The following OSBPL1A variants were observed in gnomAD, a reference collection of about 807,000 sequenced individuals.
OSBPL1A encodes the protein oxysterol binding protein like 1A.
A neutral mutation model predicts 137.1 loss-of-function variants in OSBPL1A; 80 were observed. The observed-to-expected ratio is 0.58, with a 90% CI of 0.49 to 0.70. The LOEUF is 0.70. Among genes scored for constraint, OSBPL1A ranks in the 30% least tolerant of loss-of-function variants. The pLI, the probability that OSBPL1A is intolerant of heterozygous loss-of-function variation, is 0.00. For synonymous variants in OSBPL1A, 365 were observed against 389.7 expected (o/e 0.94, Z 0.75); for missense variants, 970 against 1,129.4 (o/e 0.86, Z 2.02).
Position 24,375,314 on chromosome 18 carries a change from CAAAAAAAAAAAA to C in OSBPL1A, c.121+2087_121+2098del, listed in dbSNP as rs61252568. On this transcript the variant is annotated intron_variant, in intron 2 of 27. Transcript: ENST00000319481. ...TGGGCAACAGAACAAAACCCTGTCT[CAAAAAAAAAAAA>C]AAAAAAAAAAAAAAAAGACAGAAGT... Among the ~76,000 whole-genome samples, 102 of 41,730 alleles carry C rather than the reference CAAAAAAAAAAAA, an allele frequency of 2.4e-3. 4 individuals carry two copies. The South Asian group carries it at 0.12, about 49-fold the overall frequency. The allele number at this position is 41,730 out of a possible 152,430, so 27.4% of individuals were successfully genotyped here. A position where few individuals can be genotyped will look rare whatever the true frequency, so the allele number is the denominator to read the frequency against.
At chr18:24,356,841 A>G (rs976698303) in intron 4 of OSBPL1A, among the ~76,000 whole-genome samples, 2 of 152,186 alleles carry the variant, frequency 1.3e-5, no homozygotes, top group African/African-American at 4.8e-5. Flanking sequence ...TATAAAACCC[A>G]GATGGAATGT....
chr18:24,302,264 AACTC>A (rs1039242696), intron 14 of OSBPL1A: 2 of 151,652 alleles, frequency 1.3e-5, no homozygotes, highest in Non-Finnish European at 2.9e-5. Flanking sequence ...GTTAATCATA[AACTC>A]ACAAATAACT....
At chr18:24,314,415 C>G in intron 11 of OSBPL1A, 68 bp from the exon 12 acceptor site, 1 of 1,078,374 alleles carries the variant, frequency 9.3e-7, no homozygotes, top group Non-Finnish European at 1.3e-6. Context: ...ATTATCTATA[C>G]ATAAAATTTA....
intron 16 of OSBPL1A, among the ~76,000 whole-genome samples, chr18:24,234,723 G>C (rs1002117510): frequency 2.0e-5 from 3 of 152,130 alleles, no homozygotes; most frequent in Admixed American, 2.0e-4. Flanking sequence ...AAAGTAACAC[G>C]AGTTAACAAC....
intron 13 of OSBPL1A, among the ~76,000 whole-genome samples, chr18:24,308,409 G>A (rs562620027): frequency 2.0e-4 from 30 of 151,390 alleles, no homozygotes; most frequent in Admixed American, 2.0e-3. Flanking sequence ...TTTTTAAGAT[G>A]GGGATTCGCC....
At chr18:24,385,239 C>A (rs1288273466) in intron 1 of OSBPL1A, among the ~76,000 whole-genome samples, 1 of 152,078 alleles carries the variant, frequency 6.6e-6, no homozygotes, top group Non-Finnish European at 1.5e-5. Context: ...CAGGCATGAG[C>A]CACCGCACCC....
chr18:24,272,664 C>T (rs2089751174), intron 15 of OSBPL1A, among the ~76,000 whole-genome samples: 2 of 152,180 alleles, frequency 1.3e-5, no homozygotes, highest in Admixed American at 1.3e-4. Flanking sequence ...TTTCACCTTA[C>T]TAAAGTGTTT....
At chr18:24,303,082 C>A (rs1303320587) in intron 14 of OSBPL1A, among the ~76,000 whole-genome samples, 1 of 152,022 alleles carries the variant, frequency 6.6e-6, no homozygotes, top group African/African-American at 2.4e-5. Flanking sequence ...CTCACTGCAA[C>A]CTCTGTCTCC....
At chr18:24,348,896 G>A (rs1043601903) in intron 4 of OSBPL1A, among the ~76,000 whole-genome samples, 8 of 152,154 alleles carry the variant, frequency 5.3e-5, no homozygotes, top group Non-Finnish European at 7.4e-5. Context: ...GGTCAGGTGC[G>A]GTGGCTCACT....
intron 15 of OSBPL1A, among the ~76,000 whole-genome samples, chr18:24,251,610 A>G (rs1002348561): frequency 1.3e-5 from 2 of 152,218 alleles, no homozygotes; most frequent in Non-Finnish European, 2.9e-5. Context: ...ACAGGCACAA[A>G]CAAGCCTAGA....
intron 7 of OSBPL1A, among the ~76,000 whole-genome samples, chr18:24,325,921 T>C (rs939683523): frequency 6.6e-6 from 1 of 152,244 alleles, no homozygotes; most frequent in African/African-American, 2.4e-5. Flanking sequence ...TTTTTTAATT[T>C]TAATTTTATT....
In OSBPL1A at chr18:24,271,912, G is replaced by A. The variant is rs2089730855; in HGVS notation, c.1281+8930C>T. 1 of 984,092 alleles carries A rather than the reference G, an allele frequency of 1.0e-6. No homozygotes were observed. The highest frequency in any genetic ancestry group is 1.2e-6 in the Non-Finnish European group (1 of 829,610). The allele number at this position is 984,092 out of a possible 1,614,324, so 61.0% of individuals were successfully genotyped here. On this transcript the variant is annotated intron_variant, in intron 15 of 27. Coordinates refer to ENST00000319481, the MANE Select transcript of OSBPL1A (RefSeq NM_080597.4). This position sits in a 1 kb window ranked among gnomAD's most constrained non-coding sequence, Gnocchi z 4.0. ...CGCCGCGCCCGCCCGGGCCGCAGAG[G>A]TCTGCGCTGCCCCTCCGCCGCCGCT...
chr18:24,300,748 T>C (rs2090384262), intron 14 of OSBPL1A, among the ~76,000 whole-genome samples: 1 of 152,246 alleles, frequency 6.6e-6, no homozygotes, highest in African/African-American at 2.4e-5. Flanking sequence ...ACAAACATTT[T>C]TGTTTTTTAT....
chr18:24,340,663 G>GGGT (rs1373823134), intron 5 of OSBPL1A, among the ~76,000 whole-genome samples: 1 of 152,086 alleles, frequency 6.6e-6, no homozygotes, highest in Non-Finnish European at 1.5e-5. Flanking sequence ...AAAGTTAGCC[G>GGGT]GGTGTGATGG....
At chr18:24,201,897 G>C (rs1242723077) in intron 17 of OSBPL1A, among the ~76,000 whole-genome samples, 4 of 152,140 alleles carry the variant, frequency 2.6e-5, no homozygotes, top group Non-Finnish European at 5.9e-5. Flanking sequence ...TGCTAGGCTA[G>C]ACACTCAACA....
intron 4 of OSBPL1A, among the ~76,000 whole-genome samples, chr18:24,344,838 C>T (rs979752205): frequency 3.3e-5 from 5 of 151,946 alleles, no homozygotes; most frequent in South Asian, 2.1e-4. Flanking sequence ...TGGGGGGAGA[C>T]GGTCTAGCTC....
chr18:24,250,609 C>T (rs1205055126), intron 15 of OSBPL1A, among the ~76,000 whole-genome samples: 1 of 152,206 alleles, frequency 6.6e-6, no homozygotes, highest in East Asian at 1.9e-4. Flanking sequence ...GCAGTGATAC[C>T]AGGTACTACA....
chr18:24,185,628 G>A (rs1428142401), intron 18 of OSBPL1A, among the ~76,000 whole-genome samples: 2 of 152,092 alleles, frequency 1.3e-5, no homozygotes, highest in African/African-American at 4.8e-5. Flanking sequence ...CAGGTTCACC[G>A]ATTGTAACAA....
chr18:24,280,317 G>C (rs1189926624), intron 15 of OSBPL1A, among the ~76,000 whole-genome samples: 1 of 151,878 alleles, frequency 6.6e-6, no homozygotes, highest in African/African-American at 2.4e-5. Flanking sequence ...CCTGACTTCA[G>C]GTGATCTGCC....
Sources: allele counts gnomAD v4.1 joint callset (sites outside exome capture counted in the v4.1 genomes callset), GRCh38; gene constraint gnomAD v4.1.1; non-coding constraint Gnocchi (gnomAD v3.1); transcripts MANE v1.5; gene names NCBI Gene and HGNC (gene_info 2026-07-23, HGNC 2026-07-21).